The following CEP89 variants were observed in gnomAD, a reference collection of about 807,000 sequenced individuals.
CEP89 encodes centrosomal protein 89.
Under a neutral mutation model 97.6 loss-of-function variants are expected in CEP89, and 95 were observed. The observed-to-expected ratio is 0.97, with a 90% CI of 0.82 to 1.15. CEP89 has a LOEUF of 1.15. CEP89 is among the 50% of genes most tolerant of loss of function. CEP89 has a pLI of 0.00. For synonymous variants in CEP89, 354 were observed against 349.1 expected, an observed-to-expected ratio of 1.01 and a Z score of -0.16; for missense variants, 869 against 947.7, an observed-to-expected ratio of 0.92 and a Z score of 1.09.
chr19:32,899,827 T>G (rs1246562471), intron 16 of CEP89, 30 bp downstream of exon 16: 14 of 1,588,428 alleles, frequency 8.8e-6, no homozygotes, highest in Non-Finnish European at 1.2e-5. Context: ...TAACTCGCAG[T>G]TTACTTGATG....
intron 3 of CEP89, among the ~76,000 whole-genome samples, chr19:32,956,201 G>A (rs1374013437): frequency 4.0e-5 from 6 of 151,266 alleles, no homozygotes; most frequent in African/African-American, 1.5e-4. Flanking sequence ...GACTACAGGC[G>A]CCCGCCACCA....
At chr19:32,939,668 C>A (rs1466421923) in intron 6 of CEP89, among the ~76,000 whole-genome samples, 189 bp downstream of exon 6, 5 of 135,708 alleles carry the variant, frequency 3.7e-5, no homozygotes, top group Non-Finnish European at 6.4e-5. Flanking sequence ...ACAGTGAGAC[C>A]CCCTTCTCAA....
At chr19:32,905,815 C>A (rs1969876368) in intron 14 of CEP89, among the ~76,000 whole-genome samples, 1 of 152,104 alleles carries the variant, frequency 6.6e-6, no homozygotes, top group South Asian at 2.1e-4. Context: ...AACTCCTGGG[C>A]TCAAGTCATC....
intron 16 of CEP89, among the ~76,000 whole-genome samples, chr19:32,898,881 TAAAAA>T (rs56965428): frequency 7.8e-6 from 1 of 127,518 alleles, no homozygotes. Flanking sequence ...GACTCCATCT[TAAAAA>T]AAAAAAAAAA....
At chr19:32,894,118 G>C (rs1333813600) in intron 16 of CEP89, among the ~76,000 whole-genome samples, 4 of 152,210 alleles carry the variant, frequency 2.6e-5, no homozygotes, top group African/African-American at 9.6e-5. Context: ...CTTGAATCCA[G>C]ATGTTCAAGG....
At chr19:32,971,695 A>C (rs948925368) in intron 1 of CEP89, 141 bp downstream of exon 1, 1 of 772,682 alleles carries the variant, frequency 1.3e-6, no homozygotes, top group African/African-American at 1.8e-5. Context: ...CGAAAAATCA[A>C]GGCTTCCTCA....
At chr19:32,904,410 AT>A (rs1969846933) in intron 14 of CEP89, among the ~76,000 whole-genome samples, 1 of 152,186 alleles carries the variant, frequency 6.6e-6, no homozygotes, top group Non-Finnish European at 1.5e-5. Context: ...TCAGCTTGGA[AT>A]TCTTCACCCA....
At chr19:32,917,720 A>C in intron 13 of CEP89, 3 of 792,670 alleles carry the variant, frequency 3.8e-6, no homozygotes, top group Non-Finnish European at 4.6e-6. Context: ...GGGTTGGGGG[A>C]ATGCATGGGA....
At chr19:32,910,570 ATTT>A (rs1450702080) in intron 14 of CEP89, among the ~76,000 whole-genome samples, 1 of 152,132 alleles carries the variant, frequency 6.6e-6, no homozygotes, top group Non-Finnish European at 1.5e-5. Flanking sequence ...AAACTTTTTA[ATTT>A]TTTAACTTTT....
chr19:32,962,950 G>A (rs1415694695), intron 2 of CEP89, among the ~76,000 whole-genome samples: 1 of 152,138 alleles, frequency 6.6e-6, no homozygotes, highest in Non-Finnish European at 1.5e-5. Context: ...AACAAGGAAT[G>A]CCCAATTTTT....
At chr19:32,958,718 A>G (rs1355250390) in intron 3 of CEP89, among the ~76,000 whole-genome samples, 1 of 148,482 alleles carries the variant, frequency 6.7e-6, no homozygotes, top group African/African-American at 2.5e-5. Flanking sequence ...ATACGTGACA[A>G]TTAAAAAGGC....
intron 9 of CEP89, among the ~76,000 whole-genome samples, chr19:32,928,040 C>T (rs572466271): frequency 1.0e-4 from 15 of 147,664 alleles, no homozygotes; most frequent in Non-Finnish European, 4.5e-5. Flanking sequence ...CTCAGCCTCC[C>T]GAGTAGCTGG....
intron 16 of CEP89, among the ~76,000 whole-genome samples, chr19:32,898,261 A>C (rs1251919268): frequency 1.3e-5 from 2 of 152,228 alleles, no homozygotes; most frequent in Non-Finnish European, 2.9e-5. Flanking sequence ...CATTACGTTA[A>C]GTAAAATAAG....
At chr19:32,913,227 T>C (rs919004742) in intron 14 of CEP89, among the ~76,000 whole-genome samples, 13 of 150,128 alleles carry the variant, frequency 8.7e-5, no homozygotes, top group African/African-American at 3.2e-4. Flanking sequence ...ATATATACCA[T>C]ATCTCTCTCT....
Position 32,966,627 on chromosome 19 carries a change from T to C in CEP89, c.40-161A>G, listed in dbSNP as rs545417994. Reference sequence around the variant, plus strand: ...CCTCCCCTGCCATCCCCAGTCCCCATCAGGCCAGACAAGTGCACACAGCCA... The same window carrying C: ...CCTCCCCTGCCATCCCCAGTCCCCACCAGGCCAGACAAGTGCACACAGCCA... On this transcript the variant is annotated intron_variant, in intron 1 of 18. Transcript: ENST00000305768. Among the ~76,000 whole-genome samples the C allele has an allele frequency of 3.9e-5, 6 of 152,170 alleles. No individual in the cohort carries two copies. The South Asian group carries it at 1.2e-3, about 32-fold the overall frequency.
At chr19:32,913,652 T>TC (rs1425120300) in intron 14 of CEP89, among the ~76,000 whole-genome samples, 1 of 151,538 alleles carries the variant, frequency 6.6e-6, no homozygotes, top group African/African-American at 2.4e-5. Flanking sequence ...TTTTTTTTTT[T>TC]TTTGAGACAA....
At chr19:32,935,181 C>T (rs976423689) in intron 7 of CEP89, among the ~76,000 whole-genome samples, 3 of 152,116 alleles carry the variant, frequency 2.0e-5, no homozygotes, top group African/African-American at 4.8e-5. Flanking sequence ...CCACGGATCC[C>T]GGTGGGCCTC....
At chr19:32,961,075 G>A (rs1971157331) in intron 2 of CEP89, among the ~76,000 whole-genome samples, 1 of 152,180 alleles carries the variant, frequency 6.6e-6, no homozygotes, top group Non-Finnish European at 1.5e-5. Context: ...AGACAGTGGA[G>A]GAAGAACCAT....
chr19:32,904,099 G>A (rs1246194103), intron 14 of CEP89, among the ~76,000 whole-genome samples: 1 of 152,200 alleles, frequency 6.6e-6, no homozygotes, highest in Non-Finnish European at 1.5e-5. Flanking sequence ...GGTCAAGGCT[G>A]GAGCAAGCAG....
Sources: allele counts gnomAD v4.1 joint callset (sites outside exome capture counted in the v4.1 genomes callset), GRCh38; gene constraint gnomAD v4.1.1; transcripts MANE v1.5; gene names NCBI Gene and HGNC (gene_info 2026-07-23, HGNC 2026-07-21).